The following TBC1D7 variants were observed in gnomAD, a reference collection of about 807,000 sequenced individuals.
TBC1D7 encodes the protein TBC domain family 7.
Under a neutral mutation model 35.3 loss-of-function variants are expected in TBC1D7, and 33 were observed. The observed-to-expected ratio is 0.93, with a 90% CI of 0.71 to 1.25. The LOEUF (loss-of-function observed/expected upper bound fraction) is 1.25. Among genes scored for constraint, TBC1D7 ranks in the 50% most tolerant of loss-of-function variants. The pLI is 0.00. For missense variants in TBC1D7, 362 were observed against 365.3 expected, an observed-to-expected ratio of 0.99 and a Z score of 0.07; for synonymous variants, 135 against 129.5, an observed-to-expected ratio of 1.04 and a Z score of -0.29.
Position 13,325,189 on chromosome 6 carries a change from A to C in TBC1D7, c.113-15T>G, listed in dbSNP as rs757934584. 2 of 1,589,142 alleles carry C rather than the reference A, an allele frequency of 1.3e-6. No homozygotes were observed. The highest frequency in any genetic ancestry group is 4.5e-5 in the East Asian group (2 of 44,780). Reference sequence around the variant, plus strand: ...TTTCTCAGTATCTAGAGGAAGAAGAAAACAATTGTTAGAAGCTTTTCATGC... The same window carrying C: ...TTTCTCAGTATCTAGAGGAAGAAGACAACAATTGTTAGAAGCTTTTCATGC... On this transcript the variant is annotated splice_polypyrimidine_tract_variant and intron_variant, in intron 2 of 7. Coordinates refer to ENST00000379300, the MANE Select transcript of TBC1D7 (RefSeq NM_016495.6).
intron 3 of TBC1D7, among the ~76,000 whole-genome samples, chr6:13,322,960 T>G (rs1784146723): frequency 6.6e-6 from 1 of 152,220 alleles, no homozygotes; most frequent in Admixed American, 6.5e-5. Flanking sequence ...GATCCCTAAG[T>G]AATCAAAACT....
Position 13,316,693 on chromosome 6 carries a change from C to T in TBC1D7, c.397G>A (p.Val133Met). 6.2e-7 allele frequency: 1 copy of T among 1,614,016 alleles called. No homozygotes were observed. The highest frequency in any genetic ancestry group is 8.5e-7 in the Non-Finnish European group (1 of 1,179,938). Residue 133 changes from valine to methionine, a missense_variant, in exon 5 of 8, where the codon GTG becomes ATG. Val to Met is a conservative substitution (Grantham distance 21). Coordinates refer to ENST00000379300, the MANE Select transcript of TBC1D7 (RefSeq NM_016495.6). ...PSFPLEPDDE[V>M]FLAIAKAMEE... Reference sequence around the variant, plus strand: ...ATGGCTTTAGCTATGGCAAGAAACACTTCATCATCTGGCTCCTGAAAGATT... The same window carrying T: ...ATGGCTTTAGCTATGGCAAGAAACATTTCATCATCTGGCTCCTGAAAGATT...
At chr6:13,321,228 C>A in intron 3 of TBC1D7, 133 bp from the exon 4 acceptor site, 1 of 679,938 alleles carries the variant, frequency 1.5e-6, no homozygotes, top group Non-Finnish European at 2.5e-6. Context: ...ATTCAAGTAC[C>A]ATGTAGAATC....
chr6:13,316,707 T>A lies in TBC1D7; in HGVS notation c.383A>T (p.Glu128Val). Residue 128 changes from glutamate (E) to valine (V), a missense_variant and splice_region_variant, in exon 5 of 8, where the codon GAG (glutamate) becomes GTG (valine). Glu to Val is a moderately radical substitution (Grantham distance 121). Coordinates refer to ENST00000379300, the MANE Select transcript of TBC1D7 (RefSeq NM_016495.6). ...KLPRSPSFPLEPDDEVFLAIA... is the reference protein window; with the variant it reads ...KLPRSPSFPLVPDDEVFLAIA... ...GGCAAGAAACACTTCATCATCTGGC[T>A]CCTGAAAGATTAATAATAAATCTCA... 6.2e-7 allele frequency: 1 copy of A among 1,613,450 alleles called. No homozygotes were observed. Among genetic ancestry groups the A allele is most frequent in the South Asian group, 1.1e-5 (1 of 90,888 alleles).
chr6:13,323,380 A>C (rs1371921590), intron 3 of TBC1D7, among the ~76,000 whole-genome samples: 1 of 152,016 alleles, frequency 6.6e-6, no homozygotes, highest in African/African-American at 2.4e-5. Context: ...AAAAGAAAGA[A>C]TGGTTAAGAA....
rs181105396 is a variant in TBC1D7 at position 13,308,866 on chromosome 6, G to A, written c.520-1121C>T. ...AGAGGTAACTACAATACACTGTAAC[G>A]CTGTGATGCTATGATGGGAACAAGC... is the stretch of plus-strand genomic sequence containing the variant. On this transcript the variant is annotated intron_variant, in intron 5 of 7. Transcript: ENST00000379300. Among the ~76,000 whole-genome samples, 9 of 152,268 alleles carry A rather than the reference G, an allele frequency of 5.9e-5. No individual in the cohort carries two copies. In the East Asian group the frequency reaches 1.4e-3, roughly 23 times the overall value.
At chr6:13,325,039 G>T in intron 3 of TBC1D7, 55 bp downstream of exon 3, 1 of 1,311,624 alleles carries the variant, frequency 7.6e-7, no homozygotes, top group Non-Finnish European at 1.1e-6. Flanking sequence ...GATAGCAAAT[G>T]ATCCCTTCAT....
Position 13,305,069 on chromosome 6 carries a change from C to G in TBC1D7, c.*32G>C, listed in dbSNP as rs1562153677. On this transcript the variant is annotated 3_prime_UTR_variant, in exon 8 of 8. Transcript: ENST00000379300. ...CAAGAACACAATGCTCACTGTGGTG[C>G]CTGGCAGACGGTCCACAACCAGCGG... 4 of 1,546,516 alleles carry G rather than the reference C, an allele frequency of 2.6e-6. No homozygotes were observed. Among genetic ancestry groups the G allele is most frequent in the Non-Finnish European group, 3.5e-6 (4 of 1,134,348 alleles).
chr6:13,307,647 C>T lies in TBC1D7; in HGVS notation c.618G>A (p.Trp206Ter), dbSNP rs1213493939. The T allele has an allele frequency of 1.2e-6, 2 of 1,614,018 alleles. No homozygotes were observed. Among genetic ancestry groups the T allele is most frequent in the Non-Finnish European group, 1.7e-6 (2 of 1,180,036 alleles). Residue 206 changes from tryptophan to a stop codon, truncating the protein, a stop_gained, in exon 6 of 8, where the codon TGG (tryptophan) becomes TGA (stop). Coordinates refer to ENST00000379300, the MANE Select transcript of TBC1D7 (RefSeq NM_016495.6). LOFTEE classifies it high-confidence loss of function. ...AACATCCCGCAAAGCACCTCTTGAA[C>T]CAGAGATCATAAGGAAGTTTGGGCG... ...SAAPKLPYDL[W>*]FKRCFAGCLP...
chr6:13,325,066 T>C (rs1361247841), intron 3 of TBC1D7, 28 bp downstream of exon 3: 1 of 1,532,730 alleles, frequency 6.5e-7, no homozygotes, highest in Non-Finnish European at 8.9e-7. Flanking sequence ...TTTTTTAAGA[T>C]AAATCTTCCA....
intron 5 of TBC1D7, among the ~76,000 whole-genome samples, chr6:13,312,301 G>A (rs373327715): frequency 4.6e-5 from 7 of 152,142 alleles, no homozygotes; most frequent in East Asian, 1.9e-4. Flanking sequence ...GCAGGTAAGC[G>A]TAAGAGTGAA....
intron 5 of TBC1D7, among the ~76,000 whole-genome samples, chr6:13,308,602 T>C (rs1266599331): frequency 6.6e-6 from 1 of 152,068 alleles, no homozygotes; most frequent in Admixed American, 6.5e-5. Context: ...GCTCTAAGAG[T>C]CAAATCCTAA....
chr6:13,327,970 TAGG>T (rs1359432146), intron 1 of TBC1D7: 1 of 152,156 alleles, frequency 6.6e-6, no homozygotes, highest in Non-Finnish European at 1.5e-5. Flanking sequence ...CAGGAAAGAT[TAGG>T]ATTCGTTTAG....
chr6:13,317,244 T>C (rs1360004635), intron 4 of TBC1D7, among the ~76,000 whole-genome samples: 1 of 152,230 alleles, frequency 6.6e-6, no homozygotes, highest in Non-Finnish European at 1.5e-5. Flanking sequence ...AATCAGAATT[T>C]TAGGAATCAA....
At chr6:13,310,719 C>T (rs935650004) in intron 5 of TBC1D7, among the ~76,000 whole-genome samples, 1 of 151,490 alleles carries the variant, frequency 6.6e-6, no homozygotes, top group Non-Finnish European at 1.5e-5. Flanking sequence ...TAAGGAGTAT[C>T]TCTGTATACT....
chr6:13,316,067 C>T (rs1425248351), intron 5 of TBC1D7, among the ~76,000 whole-genome samples: 1 of 152,226 alleles, frequency 6.6e-6, no homozygotes, highest in African/African-American at 2.4e-5. Flanking sequence ...GAGGAAAGAT[C>T]ATTCCTATGA....
chr6:13,310,833 CAT>C (rs748601184), intron 5 of TBC1D7, among the ~76,000 whole-genome samples: 1 of 151,920 alleles, frequency 6.6e-6, no homozygotes, highest in Non-Finnish European at 1.5e-5. Context: ...AATTCAAATA[CAT>C]ATGTGTATAT....
chr6:13,325,213 G>A, intron 2 of TBC1D7, 39 bp from the exon 3 acceptor site: 2 of 1,401,062 alleles, frequency 1.4e-6, no homozygotes, highest in South Asian at 1.2e-5. Context: ...AGCTTTTCAT[G>A]CTGATCACAG....
At chr6:13,326,676 T>TA in intron 2 of TBC1D7, 111 bp downstream of exon 2, 1 of 618,964 alleles carries the variant, frequency 1.6e-6, no homozygotes. Context: ...ACCACATCAC[T>TA]AAAAAATACA....
Sources: allele counts gnomAD v4.1 joint callset (sites outside exome capture counted in the v4.1 genomes callset), GRCh38; gene constraint gnomAD v4.1.1; transcripts MANE v1.5; gene names NCBI Gene and HGNC (gene_info 2026-07-23, HGNC 2026-07-21).